Variants in EXT1 observed in about 807,000 individuals in gnomAD.
EXT1 encodes exostosin-1.
Under a neutral mutation model 82.5 loss-of-function variants are expected in EXT1, and 20 were observed. The ratio of observed to expected loss-of-function variants is 0.24; its 90% CI spans 0.17 to 0.35. The LOEUF (loss-of-function observed/expected upper bound fraction) is 0.35. Ranked by LOEUF, EXT1 falls within the 10% of genes least tolerant of loss-of-function variation. The pLI is 1.00. For missense variants in EXT1, 757 were observed against 936.5 expected, an observed-to-expected ratio of 0.81 and a Z score of 2.50; for synonymous variants, 348 against 350.8, an observed-to-expected ratio of 0.99 and a Z score of 0.09.
intron 1 of EXT1, among the ~76,000 whole-genome samples, chr8:118,075,070 C>T (rs1791265468): frequency 6.6e-6 from 1 of 152,210 alleles, no homozygotes; most frequent in African/African-American, 2.4e-5. Flanking sequence ...CATTTTTCCT[C>T]CTACAATTTT....
At chr8:118,061,384 T>C (rs548963911) in intron 1 of EXT1, among the ~76,000 whole-genome samples, 116 of 152,364 alleles carry the variant, frequency 7.6e-4, no homozygotes, top group African/African-American at 2.6e-3. Context: ...AGAGGTTGTA[T>C]GTGTTATGAT....
chr8:117,952,796 C>T (rs1023222475), intron 1 of EXT1, among the ~76,000 whole-genome samples: 4 of 151,920 alleles, frequency 2.6e-5, no homozygotes, highest in African/African-American at 9.7e-5. Flanking sequence ...ATAATAAAGC[C>T]TCAATATTCT....
chr8:118,103,582 C>T (rs1225225061), intron 1 of EXT1, among the ~76,000 whole-genome samples: 1 of 152,086 alleles, frequency 6.6e-6, no homozygotes, highest in Non-Finnish European at 1.5e-5. Context: ...TCTATTGGAT[C>T]ACAGTGTCTA....
At chr8:117,830,086 AAG>A (rs754938008) in intron 4 of EXT1, 142 bp downstream of exon 4, 20 of 1,030,776 alleles carry the variant, frequency 1.9e-5, no homozygotes, top group Non-Finnish European at 2.6e-5. Context: ...AAGCAGGTAA[AAG>A]AGGTTAACCA....
At chr8:117,885,284 A>G (rs1813126692) in intron 1 of EXT1, among the ~76,000 whole-genome samples, 2 of 152,234 alleles carry the variant, frequency 1.3e-5, no homozygotes. Context: ...ATACATGTGA[A>G]AGTAAATATT....
chr8:118,004,373 T>A (rs528652750), intron 1 of EXT1, among the ~76,000 whole-genome samples: 6 of 152,358 alleles, frequency 3.9e-5, no homozygotes, highest in African/African-American at 1.4e-4. Flanking sequence ...ACCTGGCACA[T>A]TTAGCTCCTC....
intron 5 of EXT1, among the ~76,000 whole-genome samples, 161 bp from the exon 6 acceptor site, chr8:117,819,955 G>C (rs1282721425): frequency 6.6e-6 from 1 of 152,212 alleles, no homozygotes; most frequent in Non-Finnish European, 1.5e-5. Context: ...AAGATGAAAA[G>C]CTGCTGGTTA....
intron 7 of EXT1, among the ~76,000 whole-genome samples, chr8:117,815,613 G>A (rs1811796349): frequency 6.6e-6 from 1 of 152,174 alleles, no homozygotes; most frequent in Non-Finnish European, 1.5e-5. Context: ...TAGCTACCAT[G>A]TGAAAGCCCA....
rs564901923 is a variant in EXT1, at chr8:117,857,433, C to T, written c.963-20232G>A. Among the ~76,000 whole-genome samples the T allele has an allele frequency of 4.6e-5, 7 of 152,128 alleles. No individual in the cohort carries two copies. The South Asian group carries it at 1.2e-3, about 27-fold the overall frequency. On this transcript the variant is annotated intron_variant, in intron 1 of 10. Transcript: ENST00000378204. Reference sequence around the variant, plus strand: ...CCAGACTAGGCATGGTGGCTCACACCTATAATCCTATATCATCCTAGCACT... The same window carrying T: ...CCAGACTAGGCATGGTGGCTCACACTTATAATCCTATATCATCCTAGCACT...
intron 1 of EXT1, among the ~76,000 whole-genome samples, chr8:118,019,738 T>A (rs1423808002): frequency 1.5e-4 from 23 of 152,164 alleles, no homozygotes; most frequent in Admixed American, 1.4e-3. Flanking sequence ...ATTGTCAACA[T>A]CCCCTTTTTA....
chr8:118,108,843 A>G (rs115769054), intron 1 of EXT1, among the ~76,000 whole-genome samples: 3,026 of 152,286 alleles, frequency 0.02, 96 homozygotes, highest in African/African-American at 0.069. Context: ...GGTTTGCGAA[A>G]CATTTCCCCT....
intron 1 of EXT1, among the ~76,000 whole-genome samples, chr8:117,937,806 G>C (rs905516931): frequency 2.0e-5 from 3 of 152,118 alleles, no homozygotes; most frequent in African/African-American, 7.2e-5. Context: ...ATGTGTGTGT[G>C]TACACACATT....
At chr8:117,800,193 C>T (rs572096190) in intron 10 of EXT1, among the ~76,000 whole-genome samples, 55 of 152,200 alleles carry the variant, frequency 3.6e-4, no homozygotes, top group Non-Finnish European at 2.9e-5. Flanking sequence ...AACTGAAACT[C>T]GACTACTACA....
chr8:117,876,973 C>T (rs1021938638), intron 1 of EXT1, among the ~76,000 whole-genome samples: 3 of 152,078 alleles, frequency 2.0e-5, no homozygotes, highest in East Asian at 1.9e-4. Flanking sequence ...AATAAGAAAA[C>T]GATATGGCCA....
chr8:117,850,086 G>A (rs1200861984), intron 1 of EXT1, among the ~76,000 whole-genome samples: 1 of 152,196 alleles, frequency 6.6e-6, no homozygotes, highest in African/African-American at 2.4e-5. Flanking sequence ...TTTAGAGTAT[G>A]AATTTGTAAT....
At chr8:118,052,414 T>A (rs1816731871) in intron 1 of EXT1, among the ~76,000 whole-genome samples, 1 of 152,216 alleles carries the variant, frequency 6.6e-6, no homozygotes, top group Admixed American at 6.5e-5. Context: ...TAGTTTTGTT[T>A]TATGGTTACT....
At chr8:117,910,503 T>C (rs1411252576) in intron 1 of EXT1, among the ~76,000 whole-genome samples, 1 of 152,178 alleles carries the variant, frequency 6.6e-6, no homozygotes, top group Non-Finnish European at 1.5e-5. Flanking sequence ...TTTTGCTTTA[T>C]TCTTGCTACT....
At chr8:117,851,185 C>T (rs1336337084) in intron 1 of EXT1, among the ~76,000 whole-genome samples, 5 of 151,932 alleles carry the variant, frequency 3.3e-5, no homozygotes, top group Admixed American at 6.6e-5. Context: ...AAAGATCATC[C>T]AGTCCAAATA....
intron 1 of EXT1, among the ~76,000 whole-genome samples, chr8:118,053,625 G>C (rs568354004): frequency 2.0e-5 from 3 of 152,298 alleles, no homozygotes; most frequent in South Asian, 4.1e-4. Flanking sequence ...TAAAGGAGGA[G>C]TAATGCTGTT....
Sources: gnomAD v4.1 joint callset for allele counts (sites outside exome capture counted in the v4.1 genomes callset) on GRCh38, gnomAD v4.1.1 for gene constraint, MANE v1.5 for transcripts, NCBI Gene and HGNC (gene_info 2026-07-23, HGNC 2026-07-21) for gene names.